APP: variants seen among roughly 807,000 people sequenced by gnomAD.
APP encodes amyloid-beta precursor protein.
A neutral mutation model predicts 101.4 loss-of-function variants in APP; 31 were observed. The ratio of observed to expected loss-of-function variants is 0.31; its 90% confidence interval spans 0.23 to 0.41. APP has a LOEUF of 0.41. APP is among the 10% of genes least tolerant of loss of function. APP has a pLI of 1.00. For missense variants in APP, 839 were observed against 1,003.7 expected (o/e 0.84, Z 2.22); for synonymous variants, 366 against 364.4 (o/e 1.00, Z -0.05).
At chr21:26,061,592 T>C (rs1039056056) in intron 3 of APP, among the ~76,000 whole-genome samples, 1 of 152,166 alleles carries the variant, frequency 6.6e-6, no homozygotes, top group African/African-American at 2.4e-5. Flanking sequence ...GATAAAACTG[T>C]TATGGTTTTA....
intron 6 of APP, among the ~76,000 whole-genome samples, chr21:26,006,192 G>C (rs1176018512): frequency 6.6e-6 from 1 of 152,148 alleles, no homozygotes; most frequent in Non-Finnish European, 1.5e-5. Flanking sequence ...AAAGAGAAAT[G>C]TTAGAAACAT....
At chr21:26,044,150 T>C (rs188833071) in intron 5 of APP, among the ~76,000 whole-genome samples, 2 of 152,264 alleles carry the variant, frequency 1.3e-5, no homozygotes, top group Admixed American at 1.3e-4. Flanking sequence ...TCTTTCAAGA[T>C]GGTTTAAAAA....
At chr21:25,937,445 T>C (rs866942457) in intron 13 of APP, among the ~76,000 whole-genome samples, 28 of 152,250 alleles carry the variant, frequency 1.8e-4, no homozygotes, top group African/African-American at 6.8e-4. Context: ...CACTAGGCTC[T>C]CTGACAATCT....
At chr21:25,961,102 T>A (rs973634705) in intron 11 of APP, among the ~76,000 whole-genome samples, 15 of 152,130 alleles carry the variant, frequency 9.9e-5, no homozygotes, top group African/African-American at 3.6e-4. Context: ...TTAGAGCCAA[T>A]CACCCTGATT....
At chr21:26,078,934 T>C (rs1361312399) in intron 3 of APP, among the ~76,000 whole-genome samples, 1 of 151,856 alleles carries the variant, frequency 6.6e-6, no homozygotes. Context: ...TCCCAGCTAC[T>C]TGGCAGGCTT....
At chr21:26,102,889 CAAAAAAAAAAAAA>C (rs3084283) in intron 2 of APP, among the ~76,000 whole-genome samples, 167 of 63,112 alleles carry the variant, frequency 2.6e-3, no homozygotes, top group African/African-American at 9.1e-3. Flanking sequence ...GACTCTGTCT[CAAAAAAAAAAAAA>C]AAAAAAAAAA....
chr21:26,115,360 T>G (rs2062413172), intron 1 of APP, among the ~76,000 whole-genome samples: 1 of 152,174 alleles, frequency 6.6e-6, no homozygotes, highest in African/African-American at 2.4e-5. Context: ...TATATGGAAA[T>G]CAGAGCAATT....
At chr21:26,155,640 TTTTG>T (rs1291312336) in intron 1 of APP, among the ~76,000 whole-genome samples, 1 of 152,248 alleles carries the variant, frequency 6.6e-6, no homozygotes, top group Non-Finnish European at 1.5e-5. Context: ...AAAACCATGC[TTTTG>T]TTTTCTTATT....
At chr21:26,045,794 T>C (rs912408532) in intron 5 of APP, among the ~76,000 whole-genome samples, 2 of 152,130 alleles carry the variant, frequency 1.3e-5, no homozygotes, top group Non-Finnish European at 1.5e-5. Context: ...CCTGCATACA[T>C]GGCCATACGC....
At chr21:25,946,579 T>G (rs1451430550) in intron 13 of APP, among the ~76,000 whole-genome samples, 1 of 152,128 alleles carries the variant, frequency 6.6e-6, no homozygotes, top group Non-Finnish European at 1.5e-5. Context: ...GGCACGAGAA[T>G]CGCTTGAATC....
chr21:26,129,491 T>C (rs45533238), intron 1 of APP, among the ~76,000 whole-genome samples: 23,115 of 151,158 alleles, frequency 0.15, 2,186 homozygotes, highest in Non-Finnish European at 0.21. Context: ...AAATTTCAGG[T>C]CTTAGGTCTT....
chr21:25,901,295 T>TCA lies in APP; in HGVS notation c.1964-3623_1964-3622insTG, dbSNP rs1254373475. On this transcript the variant is annotated intron_variant, in intron 15 of 17. Transcript: ENST00000346798. ...CCTGGAAACAGAGACAAATCCTGTT[T>TCA]TAAAAAAAAAAAAAAAAAAAAAACA... Among the ~76,000 whole-genome samples, 238 of 75,184 alleles carry TCA rather than the reference T, an allele frequency of 3.2e-3. 9 individuals carry two copies. Among genetic ancestry groups the TCA allele is most frequent in the African/African-American group, 7.5e-3 (230 of 30,712 alleles). The allele number at this position is 75,184 out of a possible 152,430, so 49.3% of individuals were successfully genotyped here. A position where few individuals can be genotyped will look rare whatever the true frequency, so the allele number is the denominator to read the frequency against.
chr21:26,094,067 G>T (rs2061888364), intron 2 of APP, among the ~76,000 whole-genome samples: 1 of 146,862 alleles, frequency 6.8e-6, no homozygotes, highest in African/African-American at 2.5e-5. Flanking sequence ...AGTGAGCTGA[G>T]ATCACACCAC....
intron 13 of APP, among the ~76,000 whole-genome samples, chr21:25,946,135 A>G (rs1005674418): frequency 6.6e-6 from 1 of 152,242 alleles, no homozygotes; most frequent in Non-Finnish European, 1.5e-5. Context: ...AGAAGGTAAC[A>G]GGTATAAATC....
chr21:26,072,270 T>C (rs1216949733), intron 3 of APP, among the ~76,000 whole-genome samples: 3 of 152,224 alleles, frequency 2.0e-5, no homozygotes, highest in African/African-American at 4.8e-5. Flanking sequence ...TAAAGCCATA[T>C]TGTCATTTTA....
intron 1 of APP, among the ~76,000 whole-genome samples, chr21:26,161,407 T>C (rs1052026939): frequency 6.6e-6 from 1 of 152,234 alleles, no homozygotes; most frequent in Non-Finnish European, 1.5e-5. Flanking sequence ...CATTCTCTTA[T>C]ATTCCTTACC....
intron 13 of APP, among the ~76,000 whole-genome samples, chr21:25,915,284 T>C (rs1274193231): frequency 6.6e-6 from 1 of 152,210 alleles, no homozygotes; most frequent in Non-Finnish European, 1.5e-5. Flanking sequence ...TCTACGTTAT[T>C]TGAACTCTTT....
At chr21:25,949,783 T>C (rs889634305) in intron 13 of APP, among the ~76,000 whole-genome samples, 3 of 152,102 alleles carry the variant, frequency 2.0e-5, no homozygotes, top group Non-Finnish European at 4.4e-5. Context: ...TGCTTTCACA[T>C]TGAGGTTAAG....
intron 3 of APP, among the ~76,000 whole-genome samples, chr21:26,071,505 T>C (rs934274464): frequency 9.8e-5 from 15 of 152,338 alleles, no homozygotes; most frequent in African/African-American, 3.6e-4. Flanking sequence ...ATTTTATATT[T>C]AACATTTAGA....
Sources: allele counts gnomAD v4.1 joint callset (sites outside exome capture counted in the v4.1 genomes callset), GRCh38; gene constraint gnomAD v4.1.1; transcripts MANE v1.5; gene names NCBI Gene and HGNC (gene_info 2026-07-23, HGNC 2026-07-21).